The following NR2F1-AS1 variants were observed in gnomAD, a reference collection of about 807,000 sequenced individuals.
The protein encoded by NR2F1-AS1 is NR2F1 antisense RNA 1.
At chr5:93,419,332 T>C (rs1312839734) in intron 4 of NR2F1-AS1, among the ~76,000 whole-genome samples, 1 of 152,220 alleles carries the variant, frequency 6.6e-6, no homozygotes, top group East Asian at 1.9e-4. Context: ...TGAAAAGAAA[T>C]ATATCTTAGA....
chr5:93,482,047 A>G (rs954195957), intron 4 of NR2F1-AS1, among the ~76,000 whole-genome samples: 1 of 152,160 alleles, frequency 6.6e-6, no homozygotes, highest in Non-Finnish European at 1.5e-5. Context: ...AATAATAAAG[A>G]TTAGAGAAAA....
At chr5:93,523,844 CT>C (rs2149896828) in intron 4 of NR2F1-AS1, among the ~76,000 whole-genome samples, 1 of 152,278 alleles carries the variant, frequency 6.6e-6, no homozygotes, top group East Asian at 1.9e-4. Context: ...AAAACTCCAT[CT>C]GAAGGTCACC....
intron 4 of NR2F1-AS1, among the ~76,000 whole-genome samples, chr5:93,423,533 T>C (rs181673725): frequency 4.7e-4 from 72 of 152,302 alleles, no homozygotes; most frequent in African/African-American, 1.7e-3. Context: ...AACATTGCTT[T>C]GCACTGAGAT....
intron 1 of NR2F1-AS1, among the ~76,000 whole-genome samples, chr5:93,573,201 C>T (rs944642536): frequency 6.6e-6 from 1 of 152,240 alleles, no homozygotes; most frequent in African/African-American, 2.4e-5. Flanking sequence ...GGGGAGAGGG[C>T]AAACTAGTGA....
At chr5:93,485,140 C>A (rs1028244314) in intron 4 of NR2F1-AS1, among the ~76,000 whole-genome samples, 1 of 152,124 alleles carries the variant, frequency 6.6e-6, no homozygotes, top group Non-Finnish European at 1.5e-5. Flanking sequence ...GAACTCTCCA[C>A]CCCAAATCAA....
At chr5:93,479,754 A>G (rs1410293934) in intron 4 of NR2F1-AS1, among the ~76,000 whole-genome samples, 1 of 152,208 alleles carries the variant, frequency 6.6e-6, no homozygotes, top group African/African-American at 2.4e-5. Flanking sequence ...AGATGCTCAA[A>G]GAATTAAAGG....
Position 93,486,240 on chromosome 5 carries a change from G to C in NR2F1-AS1, n.638+67521C>G, listed in dbSNP as rs1420948971. Among the ~76,000 whole-genome samples the C allele has an allele frequency of 6.0e-5, 9 of 150,834 alleles. No individual in the cohort carries two copies. The East Asian group carries it at 1.8e-3, about 29-fold the overall frequency. On this transcript the variant is annotated intron_variant and non_coding_transcript_variant, in intron 4 of 5. Transcript: ENST00000660523. ...TAACTAACCTGCACATTGTGCACAT[G>C]TACCCTAAAACTTAAAGTATAATAA...
At chr5:93,529,232 A>G (rs1230659196) in intron 4 of NR2F1-AS1, among the ~76,000 whole-genome samples, 1 of 152,100 alleles carries the variant, frequency 6.6e-6, no homozygotes, top group African/African-American at 2.4e-5. Flanking sequence ...AAGGAAATAA[A>G]TTTCCTGAAA....
intron 4 of NR2F1-AS1, among the ~76,000 whole-genome samples, chr5:93,495,490 A>C (rs1406106161): frequency 6.6e-6 from 1 of 152,162 alleles, no homozygotes; most frequent in Non-Finnish European, 1.5e-5. Flanking sequence ...GCAAGCCATA[A>C]AAGTGTGCAG....
At chr5:93,410,004 G>A (rs1463459378) in intron 4 of NR2F1-AS1, 2 of 152,192 alleles carry the variant, frequency 1.3e-5, no homozygotes, top group Non-Finnish European at 2.9e-5. Flanking sequence ...ACAAAGACAT[G>A]TCTATTGTTG....
chr5:93,528,690 A>C (rs911950096), intron 4 of NR2F1-AS1, among the ~76,000 whole-genome samples: 11 of 152,354 alleles, frequency 7.2e-5, no homozygotes, highest in Non-Finnish European at 8.8e-5. Flanking sequence ...AAAATGTGGC[A>C]CATATACACC....
At chr5:93,558,130 A>G (rs948472703) in intron 2 of NR2F1-AS1, among the ~76,000 whole-genome samples, 2 of 152,122 alleles carry the variant, frequency 1.3e-5, no homozygotes, top group Non-Finnish European at 2.9e-5. Flanking sequence ...AAAGTCATCC[A>G]TGAGTGTTGG....
chr5:93,466,844 T>G (rs1454643903), intron 4 of NR2F1-AS1, among the ~76,000 whole-genome samples: 3 of 148,390 alleles, frequency 2.0e-5, no homozygotes, highest in African/African-American at 7.4e-5. Context: ...GAATACTGAA[T>G]GCTTTGGGGC....
chr5:93,558,204 G>A (rs537814028), intron 2 of NR2F1-AS1, among the ~76,000 whole-genome samples: 21 of 152,220 alleles, frequency 1.4e-4, no homozygotes, highest in Non-Finnish European at 2.5e-4. Flanking sequence ...AATCACAAAC[G>A]TTGTTAACGG....
exon 4 of NR2F1-AS1, chr5:93,553,831 T>C (rs1173928832): frequency 6.6e-6 from 1 of 152,218 alleles, no homozygotes; most frequent in Non-Finnish European, 1.5e-5. Context: ...CCAATTCTAT[T>C]GCCAAAGCTC....
intron 2 of NR2F1-AS1, among the ~76,000 whole-genome samples, chr5:93,558,358 T>G (rs961310162): frequency 6.6e-6 from 1 of 150,944 alleles, no homozygotes; most frequent in African/African-American, 2.4e-5. Flanking sequence ...TCTTGCTCTA[T>G]CGCCCAGGCT....
At chr5:93,509,254 G>C (rs1218481802) in intron 4 of NR2F1-AS1, among the ~76,000 whole-genome samples, 1 of 152,046 alleles carries the variant, frequency 6.6e-6, no homozygotes, top group Non-Finnish European at 1.5e-5. Flanking sequence ...TTTATGTTAA[G>C]TTTAAGAATA....
intron 4 of NR2F1-AS1, among the ~76,000 whole-genome samples, chr5:93,468,659 C>T (rs1268909302): frequency 2.0e-5 from 3 of 152,102 alleles, no homozygotes; most frequent in Admixed American, 2.0e-4. Flanking sequence ...AATTAGATCC[C>T]GTTTGTCTAT....
chr5:93,449,625 T>G, intron 4 of NR2F1-AS1, among the ~76,000 whole-genome samples: 1 of 152,308 alleles, frequency 6.6e-6, no homozygotes. Context: ...ACTATAAATC[T>G]TACTTTATTT....
Sources: gnomAD v4.1 joint callset for allele counts (sites outside exome capture counted in the v4.1 genomes callset) on GRCh38, gnomAD v4.1.1 for gene constraint, MANE v1.5 for transcripts, NCBI Gene and HGNC (gene_info 2026-07-23, HGNC 2026-07-21) for gene names.